The following SGF29 variants were observed in gnomAD, a reference collection of about 807,000 sequenced individuals.
SGF29 encodes SAGA-associated factor 29.
Under a neutral mutation model 38.1 loss-of-function variants are expected in SGF29, and 15 were observed. The observed-to-expected ratio is 0.39, with a 90% confidence interval of 0.26 to 0.61. The LOEUF (loss-of-function observed/expected upper bound fraction) is 0.61, where lower values mean the gene tolerates loss of function less well. Among genes scored for constraint, SGF29 ranks in the 20% least tolerant of loss-of-function variants. The pLI, the probability that SGF29 is intolerant of heterozygous loss-of-function variation, is 0.49. For synonymous variants in SGF29, 151 were observed against 160.8 expected (o/e 0.94, Z 0.46); for missense variants, 184 against 394.6 (o/e 0.47, Z 4.52).
intron 1 of SGF29, among the ~76,000 whole-genome samples, chr16:28,564,756 T>C (rs529163249): frequency 0.09 from 6,752 of 75,028 alleles, 507 homozygotes; most frequent in Middle Eastern, 0.22. Context: ...TATATATATG[T>C]ATATATGTAT....
At chr16:28,586,000 G>A (rs2046954314) in intron 4 of SGF29, among the ~76,000 whole-genome samples, 5 of 150,066 alleles carry the variant, frequency 3.3e-5, no homozygotes. Context: ...AGGGATATCA[G>A]GGGCTGGGTA....
chr16:28,589,995 T>G (rs1443617229), intron 5 of SGF29, 101 bp from the exon 6 acceptor site: 14 of 1,468,918 alleles, frequency 9.5e-6, no homozygotes, highest in Admixed American at 2.5e-5. Context: ...ACTCGGGAAC[T>G]GGGGGCTCCC....
At position 28,567,334 on chromosome 16, in the gene SGF29, A is replaced by G. The variant is rs550193210; in HGVS notation, c.-16+13237A>G. On this transcript the variant is annotated intron_variant, in intron 1 of 9. Transcript: ENST00000317058. The stretch of plus-strand genomic sequence containing the variant: ...TATTGCTCATAGTTTTGAAGGTGCC[A>G]TCTTTGAAGCACAGAGCAAGCCCTC... 4.6e-5 allele frequency among the ~76,000 whole-genome samples: 7 copies of G among 152,328 alleles called. No homozygotes were observed. The East Asian group carries it at 1.3e-3, about 29-fold the overall frequency.
Position 28,590,529 on chromosome 16 carries a change from G to T in SGF29, c.566+87G>T. The T allele has an allele frequency of 6.2e-7, 1 of 1,612,624 alleles. No homozygotes were observed. The highest frequency in any genetic ancestry group is 8.5e-7 in the Non-Finnish European group (1 of 1,179,422). ...AAAGCTCTGCAGAGGGTGCTCCCCAGAGGCTGGTTGTGCAGGGAGCACCAG... is the reference window on the plus strand; with the variant it reads ...AAAGCTCTGCAGAGGGTGCTCCCCATAGGCTGGTTGTGCAGGGAGCACCAG... On this transcript the variant is annotated intron_variant, in intron 7 of 9. Coordinates refer to ENST00000317058, the MANE Select transcript of SGF29 (RefSeq NM_138414.3). This position sits in a 1 kb window ranked among gnomAD's most constrained non-coding sequence, Gnocchi z 8.2.
At chr16:28,570,457 A>G (rs2046858077) in intron 1 of SGF29, among the ~76,000 whole-genome samples, 1 of 152,172 alleles carries the variant, frequency 6.6e-6, no homozygotes, top group Admixed American at 6.5e-5. Context: ...TTGATTTCAC[A>G]GGCTCACAGA....
intron 4 of SGF29, among the ~76,000 whole-genome samples, chr16:28,586,555 T>G (rs1596607865): frequency 1.3e-5 from 2 of 152,010 alleles, no homozygotes; most frequent in East Asian, 3.9e-4. Flanking sequence ...AAACACTGTT[T>G]CCTTGAATCT....
intron 1 of SGF29, among the ~76,000 whole-genome samples, chr16:28,571,608 A>G (rs1376981916): frequency 6.6e-6 from 1 of 151,564 alleles, no homozygotes; most frequent in African/African-American, 2.4e-5. Context: ...AAAAAAAAAA[A>G]AGATTCTGAA....
chr16:28,568,940 T>A (rs1365193518), intron 1 of SGF29, among the ~76,000 whole-genome samples: 4 of 150,238 alleles, frequency 2.7e-5, no homozygotes, highest in Admixed American at 2.0e-4. Context: ...AATACAAAAT[T>A]AGACGGGCGT....
intron 1 of SGF29, among the ~76,000 whole-genome samples, chr16:28,574,262 C>T (rs1044952372): frequency 6.6e-6 from 1 of 152,182 alleles, no homozygotes; most frequent in African/African-American, 2.4e-5. Context: ...CTAGGACATT[C>T]TAGGACCAAG....
chr16:28,554,420 T>C (rs1321146635), intron 1 of SGF29, among the ~76,000 whole-genome samples: 2 of 152,120 alleles, frequency 1.3e-5, no homozygotes, highest in African/African-American at 2.4e-5. Flanking sequence ...CGGACCCGGG[T>C]CACGAAGATG....
chr16:28,555,431 G>A (rs990239470), intron 1 of SGF29, among the ~76,000 whole-genome samples: 4 of 152,294 alleles, frequency 2.6e-5, no homozygotes, highest in South Asian at 4.1e-4. Context: ...AGCCAAGATC[G>A]TGCCACTGCA....
intron 1 of SGF29, among the ~76,000 whole-genome samples, chr16:28,574,978 A>G (rs2046884645): frequency 6.6e-6 from 1 of 152,254 alleles, no homozygotes; most frequent in Non-Finnish European, 1.5e-5. Context: ...CAGTTCTGGA[A>G]AGGACTCCAA....
intron 1 of SGF29, among the ~76,000 whole-genome samples, chr16:28,562,437 G>T (rs910635277): frequency 2.0e-5 from 3 of 152,170 alleles, no homozygotes; most frequent in African/African-American, 7.2e-5. Flanking sequence ...CCTGATGGCT[G>T]TATGGCAGGT....
chr16:28,584,246 C>T (rs1237515287), intron 2 of SGF29, among the ~76,000 whole-genome samples: 1 of 152,032 alleles, frequency 6.6e-6, no homozygotes, highest in Non-Finnish European at 1.5e-5. Flanking sequence ...CCACTTTGGC[C>T]TTCCAAAGTG....
chr16:28,589,241 T>A lies in SGF29; in HGVS notation c.289+77T>A, dbSNP rs1443498523. ...GCCCTGCGGGCAGCAGTCACCCTCCTGTGGGGGCCTGTGGCCACCACCTGC... is the reference window on the plus strand; with the variant it reads ...GCCCTGCGGGCAGCAGTCACCCTCCAGTGGGGGCCTGTGGCCACCACCTGC... On this transcript the variant is annotated intron_variant, in intron 5 of 9. Transcript: ENST00000317058. 9.6e-6 allele frequency: 14 copies of A among 1,456,886 alleles called. No homozygotes were observed. In the Admixed American group the frequency reaches 2.4e-4, roughly 25 times the overall value. 90.2% of individuals were successfully genotyped at this position (1,456,886 alleles called of 1,614,324 possible).
At chr16:28,571,716 G>A (rs781070794) in intron 1 of SGF29, among the ~76,000 whole-genome samples, 3 of 152,162 alleles carry the variant, frequency 2.0e-5, no homozygotes, top group South Asian at 2.1e-4. Flanking sequence ...GAAAGCCTAC[G>A]CTTTCAAAAA....
At chr16:28,580,281 T>G (rs2046917721) in intron 1 of SGF29, among the ~76,000 whole-genome samples, 1 of 152,232 alleles carries the variant, frequency 6.6e-6, no homozygotes, top group African/African-American at 2.4e-5. Flanking sequence ...CTGTATTCAT[T>G]TCTTATGGCT....
At position 28,591,746 on chromosome 16, in the gene SGF29, C is replaced by A; in HGVS notation, c.*40C>A. The A allele has an allele frequency of 2.0e-6, 3 of 1,493,462 alleles. No individual in the cohort carries two copies. Among genetic ancestry groups the A allele is most frequent in the Non-Finnish European group, 2.8e-6 (3 of 1,072,422 alleles). The allele number at this position is 1,493,462 out of a possible 1,614,324, so 92.5% of individuals were successfully genotyped here. On this transcript the variant is annotated 3_prime_UTR_variant, in exon 10 of 10. Transcript: ENST00000317058. ...CTCGCCATCCCCCAACGACACAGGG[C>A]AGGACAGCAGAGGACGTGCTGGGAT... is the stretch of plus-strand genomic sequence containing the variant.
intron 5 of SGF29, 125 bp downstream of exon 5, chr16:28,589,289 T>C (rs1394345830): frequency 1.1e-6 from 1 of 904,412 alleles, no homozygotes. Flanking sequence ...ATGGAGGCTC[T>C]GGCAGACTGG....
Sources: allele counts gnomAD v4.1 joint callset (sites outside exome capture counted in the v4.1 genomes callset), GRCh38; gene constraint gnomAD v4.1.1; non-coding constraint Gnocchi (gnomAD v3.1); transcripts MANE v1.5; gene names NCBI Gene and HGNC (gene_info 2026-07-23, HGNC 2026-07-21).